DNAH10: variants seen among roughly 807,000 people sequenced by gnomAD.
DNAH10 encodes the protein dynein axonemal heavy chain 10.
DNAH10 carries 348 observed loss-of-function variants against 506.6 expected under a neutral mutation model. The ratio of observed to expected loss-of-function variants is 0.69; its 90% CI spans 0.63 to 0.75. The LOEUF (loss-of-function observed/expected upper bound fraction) is 0.75, where lower values mean the gene tolerates loss of function less well. DNAH10 is among the 30% of genes least tolerant of loss of function. DNAH10 has a pLI of 0.00. For synonymous variants in DNAH10, 2,059 were observed against 2,198.6 expected, an observed-to-expected ratio of 0.94 and a Z score of 1.78; for missense variants, 5,179 against 5,787.1, an observed-to-expected ratio of 0.89 and a Z score of 3.41.
At chr12:123,935,109 T>G in intron 78 of DNAH10, 1 of 605,192 alleles carries the variant, frequency 1.7e-6, no homozygotes. Flanking sequence ...AGCAGATGTC[T>G]TCTGCTCTGC....
At chr12:123,863,224 T>C (rs1951678416) in intron 39 of DNAH10, among the ~76,000 whole-genome samples, 1 of 152,200 alleles carries the variant, frequency 6.6e-6, no homozygotes, top group South Asian at 2.1e-4. Context: ...GCATGAGATG[T>C]CACCCATTAT....
chr12:123,893,356 A>G lies in DNAH10; in HGVS notation c.9119A>G (p.Lys3040Arg), dbSNP rs1174308865. The change falls in exon 53 of 79, where the codon AAA becomes AGA. Residue 3040 changes from lysine to arginine, a missense_variant. Lys to Arg is a conservative substitution (Grantham distance 26, BLOSUM62 2). Around this residue, in one of 3 missense-constraint regions of DNAH10, gnomAD observed 4,844 missense variants for 5,430.5 expected, o/e 0.89. Transcript: ENST00000673944. ...KESVWQYFVN[K>R]SANNLHIVLG... ...TCTGTGTGGCAGTACTTCGTGAACA[A>G]AAGTGCAAATAACCTGCACATTGTC... The G allele has an allele frequency of 6.2e-7, 1 of 1,614,032 alleles. No homozygotes were observed. The highest frequency in any genetic ancestry group is 2.2e-5 in the East Asian group (1 of 44,884).
At position 123,875,332 on chromosome 12, in the gene DNAH10, T is replaced by G. The variant is rs373135036; in HGVS notation, c.8040T>G (p.Ile2680Met). The part of the protein sequence containing the change: ...DRGKELNCKS[I>M]RDLGFIAAMG... The stretch of plus-strand genomic sequence containing the variant: ...GGAAGGAGCTGAACTGTAAAAGCAT[T>G]CGAGACCTTGGCTTTATTGCTGCAA... The change falls in exon 47 of 79, where the codon ATT (isoleucine) becomes ATG (methionine). Residue 2680 changes from isoleucine to methionine, a missense_variant. Coordinates refer to ENST00000673944, the MANE Select transcript of DNAH10 (RefSeq NM_001372106.1). 6.2e-7 allele frequency: 1 copy of G among 1,613,962 alleles called. No individual in the cohort carries two copies. Among genetic ancestry groups the G allele is most frequent in the Non-Finnish European group, 8.5e-7 (1 of 1,179,864 alleles).
rs1951980461 is a variant in DNAH10, at chr12:123,870,400, TAA to T, written c.7555_7556del (p.Asn2519GlnfsTer10). 1.2e-6 allele frequency: 2 copies of T among 1,613,936 alleles called. No individual in the cohort carries two copies. The highest frequency in any genetic ancestry group is 1.7e-6 in the Non-Finnish European group (2 of 1,179,870). On this transcript the variant is annotated frameshift_variant, in exon 44 of 79. Coordinates refer to ENST00000673944, the MANE Select transcript of DNAH10 (RefSeq NM_001372106.1). LOFTEE classifies it high-confidence loss of function. Reference protein sequence around the residue: ...LPTLYDFHFDNKRNQWVPWSK... With the variant: ...LPTLYDFHFDXKRNQWVPWSK... Reference sequence around the variant, plus strand: ...CAACCTTGTATGACTTTCATTTTGATAACAAACGGAATCAATGGGTCCCATGG... The same window carrying T: ...CAACCTTGTATGACTTTCATTTTGATCAAACGGAATCAATGGGTCCCATGG...
chr12:123,841,282 T>C (rs1449009727), intron 29 of DNAH10, 40 bp from the exon 30 acceptor site: 3 of 1,602,766 alleles, frequency 1.9e-6, no homozygotes, highest in Non-Finnish European at 1.7e-6. Flanking sequence ...ATTCCAGAAC[T>C]CCGTGCAGGT....
In DNAH10 at chr12:123,784,032, T is replaced by A. The variant is rs1957761830; in HGVS notation, c.1085T>A (p.Ile362Lys). 26 of 1,614,076 alleles carry A rather than the reference T, an allele frequency of 1.6e-5. No homozygotes were observed. The highest frequency in any genetic ancestry group is 2.1e-5 in the Non-Finnish European group (25 of 1,180,038). Reference sequence around the variant, plus strand: ...CTGCATGAACAAACAAAGCTTCCAATAGTCAGAAAAGTCTTGGATGTGATC... The same window carrying A: ...CTGCATGAACAAACAAAGCTTCCAAAAGTCAGAAAAGTCTTGGATGTGATC... ...SALHEQTKLPIVRKVLDVIKE... is the reference protein window; with the variant it reads ...SALHEQTKLPKVRKVLDVIKE... Residue 362 changes from isoleucine to lysine, a missense_variant, in exon 8 of 79, where the codon ATA (isoleucine) becomes AAA (lysine). Ile to Lys is a moderately radical substitution (Grantham distance 102). Coordinates refer to ENST00000673944, the MANE Select transcript of DNAH10 (RefSeq NM_001372106.1).
At chr12:123,805,640 C>T (rs568713216) in intron 18 of DNAH10, among the ~76,000 whole-genome samples, 4 of 152,252 alleles carry the variant, frequency 2.6e-5, no homozygotes, top group South Asian at 2.1e-4. Context: ...AATCCATCAC[C>T]GTTACCGTCA....
intron 25 of DNAH10, 45 bp downstream of exon 25, chr12:123,826,943 CT>C (rs755122988): frequency 1.6e-5 from 24 of 1,533,278 alleles, no homozygotes; most frequent in Non-Finnish European, 2.1e-5. Flanking sequence ...GTGGGAGGAG[CT>C]TTTAGTTAAA....
chr12:123,933,594 T>C, intron 77 of DNAH10, 83 bp downstream of exon 77: 4 of 1,476,628 alleles, frequency 2.7e-6, no homozygotes, highest in South Asian at 1.4e-5. Context: ...GGGACAGGCA[T>C]AGCGTGGGCC....
rs1198285725 is a variant in DNAH10, at chr12:123,887,446, C to T, written c.8995+133C>T. 10 of 1,080,370 alleles carry T rather than the reference C, an allele frequency of 9.3e-6. No individual in the cohort carries two copies. In the Middle Eastern group the frequency reaches 9.2e-4, roughly 99 times the overall value. 66.9% of individuals were successfully genotyped at this position (1,080,370 alleles called of 1,614,324 possible). ...GGGTGTACCTGTTCCTCCCTCACGG[C>T]GGCCCCTGAGATAGGTCTCATTATC... On this transcript the variant is annotated intron_variant, in intron 52 of 78. Transcript: ENST00000673944.
chr12:123,931,392 A>G lies in DNAH10; in HGVS notation c.12836A>G (p.His4279Arg), dbSNP rs1955199005. Reference protein sequence around the residue: ...LANTPEVFGLHPNAEIGYYTQ... With the variant: ...LANTPEVFGLRPNAEIGYYTQ... ...AACACGCCAGAAGTGTTTGGTCTCC[A>G]CCCCAACGCTGAGATTGGCTATTAC... Residue 4279 changes from histidine (H) to arginine (R), a missense_variant, in exon 74 of 79, where the codon CAC (histidine) becomes CGC (arginine). Physicochemically the swap from His to Arg is conservative, Grantham distance 29. Transcript: ENST00000673944. 2.5e-6 allele frequency: 4 copies of G among 1,613,918 alleles called. No homozygotes were observed. In the East Asian group the frequency reaches 6.7e-5, roughly 27 times the overall value.
Position 123,926,329 on chromosome 12 carries a change from G to C in DNAH10, c.11922-308G>C. 1 of 359,224 alleles carries C rather than the reference G, an allele frequency of 2.8e-6. No homozygotes were observed. The highest frequency in any genetic ancestry group is 1.1e-4 in the South Asian group (1 of 9,284). The allele number at this position is 359,224 out of a possible 1,614,324, so 22.3% of individuals were successfully genotyped here. A position where few individuals can be genotyped will look rare whatever the true frequency, so the allele number is the denominator to read the frequency against. On this transcript the variant is annotated intron_variant, in intron 68 of 78. Transcript: ENST00000673944. This position sits in a 1 kb window ranked among gnomAD's most constrained non-coding sequence, Gnocchi z 4.1. ...GTGGACCATTCAGGACACGCCTGTG[G>C]AACCTCAGGGTTTTGTGCCATGGGC... is the stretch of plus-strand genomic sequence containing the variant.
chr12:123,842,221 C>A (rs898750666), intron 30 of DNAH10, among the ~76,000 whole-genome samples: 3 of 152,214 alleles, frequency 2.0e-5, no homozygotes, highest in African/African-American at 4.8e-5. Context: ...AGCGTGTGAA[C>A]CCCTGACTTA....
intron 51 of DNAH10, among the ~76,000 whole-genome samples, chr12:123,885,216 G>A (rs1175838932): frequency 6.6e-6 from 1 of 152,202 alleles, no homozygotes; most frequent in Non-Finnish European, 1.5e-5. Flanking sequence ...ATACACAAAC[G>A]TATTTCCTTC....
rs1055658564 is a variant in DNAH10, at chr12:123,882,450, G to A, written c.8823+637G>A. ...CAAAGCATACAAGCCAGTGCTTGTT[G>A]GCACATTCACAGATCTGTGCAACCA... On this transcript the variant is annotated intron_variant, in intron 51 of 78. Transcript: ENST00000673944. Among the ~76,000 whole-genome samples the A allele has an allele frequency of 5.3e-5, 8 of 152,272 alleles. No homozygotes were observed. In the South Asian group the frequency reaches 1.0e-3, roughly 20 times the overall value.
chr12:123,933,482 C>T lies in DNAH10; in HGVS notation c.13448C>T (p.Ala4483Val). The part of the protein sequence containing the change: ...LFTQVTKFQD[A>V]DEVNERAGQG... ...ACACAAGTGACCAAGTTCCAGGATG[C>T]AGATGAAGTGAATGAGCGGGCGGGA... Residue 4483 changes from alanine (A) to valine (V), a missense_variant, in exon 77 of 79, where the codon GCA becomes GTA. Ala to Val is a moderately conservative substitution (Grantham distance 64, BLOSUM62 0). Coordinates refer to ENST00000673944, the MANE Select transcript of DNAH10 (RefSeq NM_001372106.1). 6 of 1,608,922 alleles carry T rather than the reference C, an allele frequency of 3.7e-6. No homozygotes were observed. The highest frequency in any genetic ancestry group is 5.1e-6 in the Non-Finnish European group (6 of 1,177,202).
intron 23 of DNAH10, 32 bp downstream of exon 23, chr12:123,819,282 A>G: frequency 6.6e-7 from 1 of 1,524,146 alleles, no homozygotes; most frequent in Non-Finnish European, 9.0e-7. Flanking sequence ...TTACTGAGCG[A>G]TCTGAGTAGC....
At chr12:123,842,660 T>G (rs1388288620) in intron 30 of DNAH10, among the ~76,000 whole-genome samples, 1 of 152,244 alleles carries the variant, frequency 6.6e-6, no homozygotes, top group Non-Finnish European at 1.5e-5. Flanking sequence ...AAAATTTGTT[T>G]GCATCTTTAT....
At chr12:123,879,133 G>C (rs1221162240) in intron 48 of DNAH10, 131 bp from the exon 49 acceptor site, 1 of 690,812 alleles carries the variant, frequency 1.4e-6, no homozygotes, top group African/African-American at 1.8e-5. Context: ...CGTGAGACTA[G>C]GGGGGCACGA....
Sources: allele counts gnomAD v4.1 joint callset (sites outside exome capture counted in the v4.1 genomes callset), GRCh38; gene constraint gnomAD v4.1.1; regional missense constraint gnomAD v4.1.1; non-coding constraint Gnocchi (gnomAD v3.1); transcripts MANE v1.5; gene names NCBI Gene and HGNC (gene_info 2026-07-23, HGNC 2026-07-21).